BTBD9: variants seen among roughly 807,000 people sequenced by gnomAD.
The protein encoded by BTBD9 is BTB/POZ domain-containing protein 9.
A neutral mutation model predicts 64.3 loss-of-function variants in BTBD9; 49 were observed. The ratio of observed to expected loss-of-function variants is 0.76; its 90% CI spans 0.61 to 0.97. The LOEUF (loss-of-function observed/expected upper bound fraction) is 0.97. Ranked by LOEUF, BTBD9 falls within the 50% of genes least tolerant of loss-of-function variation. BTBD9 has a pLI of 0.00. For synonymous variants in BTBD9, 260 were observed against 274.7 expected (o/e 0.95, Z 0.53); for missense variants, 598 against 762.1 (o/e 0.78, Z 2.53).
At chr6:38,361,352 T>A (rs1328214166) in intron 6 of BTBD9, among the ~76,000 whole-genome samples, 1 of 151,818 alleles carries the variant, frequency 6.6e-6, no homozygotes, top group Non-Finnish European at 1.5e-5. Flanking sequence ...AAGACCAGCC[T>A]GGGTAACATA....
At chr6:38,270,595 G>A (rs886322984) in intron 8 of BTBD9, among the ~76,000 whole-genome samples, 1 of 152,178 alleles carries the variant, frequency 6.6e-6, no homozygotes, top group Non-Finnish European at 1.5e-5. Context: ...AAATATCCCT[G>A]AGGTAACCTC....
intron 6 of BTBD9, among the ~76,000 whole-genome samples, chr6:38,389,980 T>C (rs980858581): frequency 6.6e-6 from 1 of 152,192 alleles, no homozygotes; most frequent in African/African-American, 2.4e-5. Context: ...GAATATATTC[T>C]AGTGGTAATT....
At chr6:38,449,155 C>T (rs1486997271) in intron 6 of BTBD9, among the ~76,000 whole-genome samples, 1 of 152,126 alleles carries the variant, frequency 6.6e-6, no homozygotes, top group African/African-American at 2.4e-5. Flanking sequence ...AAAAGAAAAA[C>T]CTGGTTACTG....
At chr6:38,354,182 G>A (rs1764630039) in intron 6 of BTBD9, among the ~76,000 whole-genome samples, 1 of 152,068 alleles carries the variant, frequency 6.6e-6, no homozygotes, top group Non-Finnish European at 1.5e-5. Flanking sequence ...TGAAAACTAA[G>A]CATCAAAACC....
rs560598788 is a variant in BTBD9 at position 38,292,425 on chromosome 6, G to A, written c.1265-3964C>T. On this transcript the variant is annotated intron_variant, in intron 7 of 10. Transcript: ENST00000481247. ...CCTCTTTGTACCTCTGGTAGAATTC[G>A]GCTGTGAATCCTTTTGGTCCTGGGC... 2.6e-3 allele frequency among the ~76,000 whole-genome samples: 394 copies of A among 152,232 alleles called. 3 individuals carry two copies. Among genetic ancestry groups the A allele is most frequent in the South Asian group, 0.014 (67 of 4,828 alleles).
intron 1 of BTBD9, among the ~76,000 whole-genome samples, chr6:38,632,828 A>C (rs1467325582): frequency 6.6e-6 from 1 of 152,186 alleles, no homozygotes; most frequent in Non-Finnish European, 1.5e-5. Flanking sequence ...GCTACTCAGA[A>C]GCCTGAGAAG....
intron 8 of BTBD9, among the ~76,000 whole-genome samples, chr6:38,269,606 T>C (rs902333236): frequency 6.6e-6 from 1 of 152,148 alleles, no homozygotes; most frequent in Non-Finnish European, 1.5e-5. Context: ...GCTTTTTTTT[T>C]TTCCCTGCGA....
intron 6 of BTBD9, among the ~76,000 whole-genome samples, chr6:38,471,213 G>A (rs1447154102): frequency 6.6e-6 from 1 of 152,110 alleles, no homozygotes. Flanking sequence ...AGTGATAAAA[G>A]CTCAGCTCTG....
intron 9 of BTBD9, among the ~76,000 whole-genome samples, chr6:38,252,198 G>C (rs1330839418): frequency 6.6e-6 from 1 of 152,042 alleles, no homozygotes. Context: ...TCTATGTTTT[G>C]ATTTCTTGAC....
intron 6 of BTBD9, among the ~76,000 whole-genome samples, chr6:38,562,338 A>G (rs185873902): frequency 4.3e-4 from 65 of 152,318 alleles, no homozygotes; most frequent in Middle Eastern, 3.4e-3. Context: ...GTCTTTAAAA[A>G]GTACATGCAT....
At chr6:38,208,158 C>T (rs564572245) in intron 9 of BTBD9, among the ~76,000 whole-genome samples, 1 of 152,306 alleles carries the variant, frequency 6.6e-6, no homozygotes, top group South Asian at 2.1e-4. Flanking sequence ...ATAATAAAAG[C>T]TGTCCCCTGT....
intron 7 of BTBD9, among the ~76,000 whole-genome samples, chr6:38,336,105 G>A (rs1763882452): frequency 6.6e-6 from 1 of 152,128 alleles, no homozygotes; most frequent in African/African-American, 2.4e-5. Flanking sequence ...CACATACTAA[G>A]CTGAGAACCC....
At position 38,328,564 on chromosome 6, in the gene BTBD9, C is replaced by CGTGTGTGTGTGTGTGTGTGTGT. The variant is rs201357884; in HGVS notation, c.1264+16398_1264+16419dup. ...AATATATTTCGGCCATTTAAGCCAC[C>CGTGTGTGTGTGTGTGTGTGTGT]GTGTGTGTGTGTGTGTGTGTGTGTG... is the stretch of plus-strand genomic sequence containing the variant. On this transcript the variant is annotated intron_variant, in intron 7 of 10. Transcript: ENST00000481247. Among the ~76,000 whole-genome samples the CGTGTGTGTGTGTGTGTGTGTGT allele has an allele frequency of 2.8e-3, 364 of 130,484 alleles. 4 individuals are homozygous for CGTGTGTGTGTGTGTGTGTGTGT. Among genetic ancestry groups the CGTGTGTGTGTGTGTGTGTGTGT allele is most frequent in the East Asian group, 0.016 (59 of 3,794 alleles). The allele number at this position is 130,484 out of a possible 152,430, so 85.6% of individuals were successfully genotyped here. A position where few individuals can be genotyped will look rare whatever the true frequency, so the allele number is the denominator to read the frequency against.
chr6:38,459,201 T>C (rs1395391476), intron 6 of BTBD9, among the ~76,000 whole-genome samples: 1 of 152,094 alleles, frequency 6.6e-6, no homozygotes, highest in Non-Finnish European at 1.5e-5. Flanking sequence ...GTATTTTTAG[T>C]AGAGACACGG....
At chr6:38,617,435 C>T (rs1777830314) in intron 1 of BTBD9, among the ~76,000 whole-genome samples, 2 of 152,174 alleles carry the variant, frequency 1.3e-5, no homozygotes, top group Non-Finnish European at 2.9e-5. Context: ...CACTCCCTGT[C>T]CCCGATGCTC....
At chr6:38,417,568 C>A (rs1364786606) in intron 6 of BTBD9, among the ~76,000 whole-genome samples, 1 of 152,034 alleles carries the variant, frequency 6.6e-6, no homozygotes, top group Non-Finnish European at 1.5e-5. Context: ...GAGTCTGCGA[C>A]TTTGATACTA....
intron 6 of BTBD9, among the ~76,000 whole-genome samples, chr6:38,572,390 T>C (rs1046530429): frequency 2.0e-5 from 3 of 152,128 alleles, no homozygotes; most frequent in Admixed American, 1.3e-4. Flanking sequence ...AGTAGAACCA[T>C]TCTAGTGAGA....
chr6:38,607,978 G>T (rs1777486969), intron 1 of BTBD9, among the ~76,000 whole-genome samples: 1 of 152,036 alleles, frequency 6.6e-6, no homozygotes, highest in South Asian at 2.1e-4. Flanking sequence ...CCCAAATCCT[G>T]AAACTTCCTT....
chr6:38,266,662 GAAAGAAAGAAAGAA>G (rs1561947640), intron 8 of BTBD9, among the ~76,000 whole-genome samples: 7 of 101,924 alleles, frequency 6.9e-5, no homozygotes, highest in Non-Finnish European at 8.5e-5. Flanking sequence ...AAGAAAGAAA[GAAAGAAAGAAAGAA>G]AGAAGAAAAA....
Sources: allele counts gnomAD v4.1 joint callset (sites outside exome capture counted in the v4.1 genomes callset), GRCh38; gene constraint gnomAD v4.1.1; transcripts MANE v1.5; gene names NCBI Gene and HGNC (gene_info 2026-07-23, HGNC 2026-07-21).